Variants in NBEAL1 observed in about 807,000 individuals in gnomAD.
NBEAL1 encodes the protein neurobeachin like 1.
In NBEAL1, 273 loss-of-function variants were observed where a neutral mutation model predicts 351.3. That is an observed-to-expected ratio of 0.78 (90% CI 0.70 to 0.86). The LOEUF is 0.86. NBEAL1 is among the 40% of genes least tolerant of loss of function. The pLI, the probability that NBEAL1 is intolerant of heterozygous loss-of-function variation, is 0.00. For synonymous variants in NBEAL1, 1,050 were observed against 1,086.4 expected (o/e 0.97, Z 0.66); for missense variants, 2,961 against 3,201.3 (o/e 0.92, Z 1.81).
intron 3 of NBEAL1, among the ~76,000 whole-genome samples, chr2:203,042,800 A>G (rs2061165191): frequency 6.6e-6 from 1 of 152,058 alleles, no homozygotes; most frequent in African/African-American, 2.4e-5. Context: ...GTTGGCCAGT[A>G]TGATCTCGAT....
At chr2:203,024,040 A>C (rs1161177388) in intron 2 of NBEAL1, among the ~76,000 whole-genome samples, 2 of 149,656 alleles carry the variant, frequency 1.3e-5, no homozygotes, top group Admixed American at 1.3e-4. Flanking sequence ...CAGAAAGTAC[A>C]GGGATATTGG....
In NBEAL1 at chr2:203,171,912, T is replaced by C; in HGVS notation, c.6103-16T>C. On this transcript the variant is annotated splice_polypyrimidine_tract_variant and intron_variant, in intron 39 of 55. Transcript: ENST00000683969. ...GATTTTTAAATTTTGATATTGCTCT[T>C]TTTTGTGCTGTCTAGAAATGGGTAA... 1 of 1,503,606 alleles carries C rather than the reference T, an allele frequency of 6.7e-7. No homozygotes were observed. 93.1% of individuals were successfully genotyped at this position (1,503,606 alleles called of 1,614,324 possible).
At chr2:203,178,953 G>A (rs6726311) in intron 42 of NBEAL1, among the ~76,000 whole-genome samples, 134,049 of 152,238 alleles carry the variant, frequency 0.88, 60,237 homozygotes, top group Non-Finnish European at 0.96. Flanking sequence ...TCAAAACTAT[G>A]CCTCTTCTTG....
chr2:203,198,856 C>CAA (rs1039821587), intron 48 of NBEAL1, among the ~76,000 whole-genome samples: 23 of 97,624 alleles, frequency 2.4e-4, no homozygotes, highest in African/African-American at 2.7e-4. Context: ...GACTCTATCT[C>CAA]AAAAAAAAAA....
intron 55 of NBEAL1, among the ~76,000 whole-genome samples, chr2:203,215,832 G>A (rs946780442): frequency 2.6e-5 from 4 of 151,880 alleles, no homozygotes; most frequent in Non-Finnish European, 5.9e-5. Context: ...GCAACATGTC[G>A]AAACCCTGTC....
Position 203,216,377 on chromosome 2 carries a change from T to G in NBEAL1, c.8071-876T>G, listed in dbSNP as rs147548248. 1.1e-4 allele frequency among the ~76,000 whole-genome samples: 16 copies of G among 152,258 alleles called. No homozygotes were observed. The East Asian group carries it at 3.1e-3, about 29-fold the overall frequency. ...TTATTTTACTTTCTTCTTATCCTTA[T>G]GATTGGCATTAACAGTACTGCAAAT... On this transcript the variant is annotated intron_variant, in intron 55 of 55. Transcript: ENST00000683969.
At position 203,138,185 on chromosome 2, in the gene NBEAL1, G is replaced by A; in HGVS notation, c.4589G>A (p.Trp1530Ter). ...KLTLLQKMLE[W>*]AISENREAKT... ...AGTTTGCTACAAAAGATGTTAGAAT[G>A]GGCAATCTCAGAAAACAGAGAAGCA... Residue 1530 changes from tryptophan to a stop codon, truncating the protein, a stop_gained, in exon 30 of 56, where the codon TGG (tryptophan) becomes TAG (stop). Transcript: ENST00000683969. LOFTEE classifies it high-confidence loss of function. 1 of 1,613,936 alleles carries A rather than the reference G, an allele frequency of 6.2e-7. No homozygotes were observed. Among genetic ancestry groups the A allele is most frequent in the Non-Finnish European group, 8.5e-7 (1 of 1,179,984 alleles).
At chr2:203,175,317 TA>T in intron 42 of NBEAL1, 30 bp downstream of exon 42, 8 of 1,611,398 alleles carry the variant, frequency 5.0e-6, no homozygotes, top group Non-Finnish European at 6.8e-6. Flanking sequence ...GCTATTTTTT[TA>T]TGACTATGTT....
rs555464552 is a variant in NBEAL1 at position 203,130,505 on chromosome 2, T to G, written c.3564+29T>G. The G allele has an allele frequency of 3.7e-6, 5 of 1,362,564 alleles. No homozygotes were observed. In the South Asian group the frequency reaches 1.0e-4, roughly 27 times the overall value. The allele number at this position is 1,362,564 out of a possible 1,614,324, so 84.4% of individuals were successfully genotyped here. On this transcript the variant is annotated intron_variant, in intron 25 of 55. Transcript: ENST00000683969. The stretch of plus-strand genomic sequence containing the variant: ...CAAACATTTCTTAAACATCTTTGTA[T>G]TTTGAGGCGTTTGTGGGTATATGAA...
intron 18 of NBEAL1, among the ~76,000 whole-genome samples, chr2:203,118,965 A>AT (rs34515211): frequency 0.016 from 2,306 of 147,352 alleles, 21 homozygotes; most frequent in Non-Finnish European, 0.024. Flanking sequence ...TTAAAGTTGG[A>AT]TTTTTTTTTT....
At position 203,127,793 on chromosome 2, in the gene NBEAL1, A is replaced by C; in HGVS notation, c.3261A>C (p.Lys1087Asn). The C allele has an allele frequency of 1.3e-6, 2 of 1,505,002 alleles. No individual in the cohort carries two copies. The highest frequency in any genetic ancestry group is 2.4e-5 in the South Asian group (2 of 82,014). The allele number at this position is 1,505,002 out of a possible 1,614,324, so 93.2% of individuals were successfully genotyped here. Residue 1087 changes from lysine (K) to asparagine (N), a missense_variant, in exon 24 of 56, where the codon AAA becomes AAC. Transcript: ENST00000683969. ...TLRIYYGNGCKYNELSLDDIR... is the reference protein window; with the variant it reads ...TLRIYYGNGCNYNELSLDDIR... ...TTTTGTCTTTCAGGAATGGTTGTAA[A>C]TATAATGAACTATCTCTAGATGATA...
At chr2:203,112,823 A>C (rs1203048924) in intron 16 of NBEAL1, among the ~76,000 whole-genome samples, 192 bp from the exon 17 acceptor site, 2 of 152,226 alleles carry the variant, frequency 1.3e-5, no homozygotes, top group Non-Finnish European at 2.9e-5. Flanking sequence ...AGGCCAAGGT[A>C]ATTTTGCTAA....
At chr2:203,199,093 G>A (rs1422506375) in intron 48 of NBEAL1, among the ~76,000 whole-genome samples, 1 of 151,956 alleles carries the variant, frequency 6.6e-6, no homozygotes, top group Non-Finnish European at 1.5e-5. Context: ...AATGAGCTGA[G>A]ATCATGTCAC....
intron 44 of NBEAL1, among the ~76,000 whole-genome samples, chr2:203,187,338 A>G (rs10932009): frequency 0.89 from 130,152 of 146,122 alleles, 58,916 homozygotes; most frequent in Non-Finnish European, 0.96. Flanking sequence ...GGTAACAGAC[A>G]TGAGCCACCA....
chr2:203,060,099 A>AT (rs2061474430), intron 6 of NBEAL1, among the ~76,000 whole-genome samples: 1 of 152,210 alleles, frequency 6.6e-6, no homozygotes. Context: ...ATTTTTCTTT[A>AT]TAGACAGCAA....
intron 6 of NBEAL1, among the ~76,000 whole-genome samples, chr2:203,063,510 G>A: frequency 6.6e-6 from 1 of 150,662 alleles, no homozygotes; most frequent in Admixed American, 6.7e-5. Flanking sequence ...AGTGGAAAAA[G>A]GAAAGGAAAG....
intron 46 of NBEAL1, among the ~76,000 whole-genome samples, chr2:203,193,389 A>G (rs2065150034): frequency 6.6e-6 from 1 of 152,226 alleles, no homozygotes; most frequent in African/African-American, 2.4e-5. Flanking sequence ...CTAGTCTAGT[A>G]TGGAAATCCA....
intron 2 of NBEAL1, among the ~76,000 whole-genome samples, chr2:203,027,368 T>C (rs963269239): frequency 2.0e-5 from 3 of 152,230 alleles, no homozygotes; most frequent in African/African-American, 7.2e-5. Flanking sequence ...ATCTAAGAGA[T>C]ATCAACATTT....
At chr2:203,206,293 A>G (rs2105828227) in intron 51 of NBEAL1, among the ~76,000 whole-genome samples, 1 of 152,342 alleles carries the variant, frequency 6.6e-6, no homozygotes, top group African/African-American at 2.4e-5. Context: ...GTTTTTTCAA[A>G]GGGCTGCAGC....
Sources: gnomAD v4.1 joint callset for allele counts (sites outside exome capture counted in the v4.1 genomes callset) on GRCh38, gnomAD v4.1.1 for gene constraint, MANE v1.5 for transcripts, NCBI Gene and HGNC (gene_info 2026-07-23, HGNC 2026-07-21) for gene names.